Variants in SMYD3 observed in about 807,000 individuals in gnomAD.
SMYD3 encodes the protein SET and MYND domain containing 3, also known as histone-lysine N-methyltransferase SMYD3.
Under a neutral mutation model 57.7 loss-of-function variants are expected in SMYD3, and 36 were observed. The ratio of observed to expected loss-of-function variants is 0.62; its 90% confidence interval spans 0.48 to 0.82. The LOEUF (loss-of-function observed/expected upper bound fraction) is 0.82. Among genes scored for constraint, SMYD3 ranks in the 40% least tolerant of loss-of-function variants. SMYD3 has a pLI of 0.00. For missense variants in SMYD3, 515 were observed against 538.8 expected (o/e 0.96, Z 0.44); for synonymous variants, 211 against 195.0 (o/e 1.08, Z -0.68).
rs1420968445 is a variant in SMYD3, at chr1:246,439,904, C to T, written c.164+67150G>A. On this transcript the variant is annotated intron_variant, in intron 1 of 11. Transcript: ENST00000490107. ...GGTCAAGGCTGCAGTGAGCCATGAT[C>T]GCACCACTGCACTCCAGCCTGGGTA... Among the ~76,000 whole-genome samples, 5 of 152,076 alleles carry T rather than the reference C, an allele frequency of 3.3e-5. No homozygotes were observed. In the South Asian group the frequency reaches 6.2e-4, roughly 19 times the overall value.
At chr1:245,794,038 T>A (rs183690117) in intron 10 of SMYD3, among the ~76,000 whole-genome samples, 1 of 152,362 alleles carries the variant, frequency 6.6e-6, no homozygotes, top group East Asian at 1.9e-4. Flanking sequence ...TTAAATTTCA[T>A]CTTAATCATT....
intron 5 of SMYD3, among the ~76,000 whole-genome samples, chr1:246,245,496 C>G (rs2063688000): frequency 6.6e-6 from 1 of 152,022 alleles, no homozygotes; most frequent in African/African-American, 2.4e-5. Context: ...ATTTTTGAAA[C>G]ATGTAGATCC....
chr1:246,293,567 C>G (rs1484164273), intron 5 of SMYD3, among the ~76,000 whole-genome samples: 2 of 152,148 alleles, frequency 1.3e-5, no homozygotes, highest in Non-Finnish European at 2.9e-5. Context: ...AGTGAGACTA[C>G]TCCAAGAAAA....
At chr1:245,953,192 T>C (rs1401172949) in intron 5 of SMYD3, 4 of 971,638 alleles carry the variant, frequency 4.1e-6, no homozygotes, top group Non-Finnish European at 5.0e-6. Flanking sequence ...ATAATATATA[T>C]TATCAGTATA....
chr1:245,774,984 G>A (rs372130385), intron 10 of SMYD3, among the ~76,000 whole-genome samples: 15 of 152,210 alleles, frequency 9.9e-5, no homozygotes, highest in African/African-American at 3.4e-4. Flanking sequence ...GATTGCAGAC[G>A]GAGTCTCGTT....
chr1:245,925,312 C>T (rs576093006), intron 7 of SMYD3, among the ~76,000 whole-genome samples: 5 of 152,268 alleles, frequency 3.3e-5, no homozygotes, highest in Admixed American at 2.0e-4. Flanking sequence ...AGGTTATCCA[C>T]GACCTCATGT....
At chr1:246,243,241 T>A (rs978745051) in intron 5 of SMYD3, among the ~76,000 whole-genome samples, 3 of 152,016 alleles carry the variant, frequency 2.0e-5, no homozygotes, top group Non-Finnish European at 4.4e-5. Context: ...AATTAAATGC[T>A]GCATATGAGA....
intron 5 of SMYD3, among the ~76,000 whole-genome samples, chr1:246,207,380 A>C (rs1038808378): frequency 1.3e-5 from 2 of 152,066 alleles, no homozygotes; most frequent in African/African-American, 4.8e-5. Flanking sequence ...GGCCCATGTT[A>C]GTAGGTTAAT....
chr1:245,764,442 T>C (rs2045984501), intron 10 of SMYD3, among the ~76,000 whole-genome samples: 1 of 151,512 alleles, frequency 6.6e-6, no homozygotes, highest in Admixed American at 6.6e-5. Context: ...GCGTTGATAT[T>C]TGGGAGGGGT....
chr1:246,294,353 A>AC lies in SMYD3; in HGVS notation c.531+32847dup, dbSNP rs558291699. On this transcript the variant is annotated intron_variant, in intron 5 of 11. Coordinates refer to ENST00000490107, the MANE Select transcript of SMYD3 (RefSeq NM_001167740.2). ...AGCTTTAGCAAATTCTAATTTCTTG[A>AC]CCAGATTAAATCTATCTACAAATGG... Among the ~76,000 whole-genome samples the AC allele has an allele frequency of 2.6e-4, 39 of 152,340 alleles. 1 individual carries two copies. The South Asian group carries it at 7.9e-3, about 31-fold the overall frequency.
In SMYD3 at chr1:246,067,422, A is replaced by G. The variant is rs1234218693; in HGVS notation, c.532-137485T>C. On this transcript the variant is annotated intron_variant, in intron 5 of 11. Transcript: ENST00000490107. ...ACCCCTATCTTCTGGACCAAAAAAT[A>G]AAAAGTCTAGTCAGGAAGTGGGGAG... is the stretch of plus-strand genomic sequence containing the variant. Among the ~76,000 whole-genome samples, 4 of 152,188 alleles carry G rather than the reference A, an allele frequency of 2.6e-5. No individual in the cohort carries two copies. In the East Asian group the frequency reaches 5.8e-4, roughly 22 times the overall value.
At chr1:246,480,420 A>G (rs1444480565) in intron 1 of SMYD3, among the ~76,000 whole-genome samples, 1 of 152,254 alleles carries the variant, frequency 6.6e-6, no homozygotes, top group Non-Finnish European at 1.5e-5. Flanking sequence ...CATACAAAGA[A>G]GTAAAGCATA....
At chr1:245,782,817 T>C (rs77195943) in intron 10 of SMYD3, among the ~76,000 whole-genome samples, 3,914 of 152,354 alleles carry the variant, frequency 0.026, 163 homozygotes, top group African/African-American at 0.089. Flanking sequence ...AGAAAGAGAC[T>C]ACCTAATGCC....
chr1:246,001,883 T>C (rs1464554349), intron 5 of SMYD3, among the ~76,000 whole-genome samples: 1 of 152,136 alleles, frequency 6.6e-6, no homozygotes, highest in Non-Finnish European at 1.5e-5. Context: ...ATCCTCTGGA[T>C]CTCTTTCCTT....
At chr1:246,201,551 A>C (rs183557513) in intron 5 of SMYD3, among the ~76,000 whole-genome samples, 79 of 152,322 alleles carry the variant, frequency 5.2e-4, no homozygotes, top group African/African-American at 1.8e-3. Flanking sequence ...TTGGGAAAGG[A>C]GGAAGTATCA....
Position 246,203,734 on chromosome 1 carries a change from C to T in SMYD3, c.531+123467G>A, listed in dbSNP as rs902717187. Among the ~76,000 whole-genome samples, 1 of 152,156 alleles carries T rather than the reference C, an allele frequency of 6.6e-6. No homozygotes were observed. The highest frequency in any genetic ancestry group is 2.4e-5 in the African/African-American group (1 of 41,430). On this transcript the variant is annotated intron_variant, in intron 5 of 11. Coordinates refer to ENST00000490107, the MANE Select transcript of SMYD3 (RefSeq NM_001167740.2). This position sits in a 1 kb window ranked among gnomAD's most constrained non-coding sequence, Gnocchi z 4.6. ...GTTAGAACATCAACATATGAATTTG[C>T]GGGGACACAGTTCAGCCCAGAACAC...
chr1:246,175,826 A>C (rs918838406), intron 5 of SMYD3, among the ~76,000 whole-genome samples: 1 of 152,252 alleles, frequency 6.6e-6, no homozygotes, highest in East Asian at 1.9e-4. Flanking sequence ...TTTCAAATAC[A>C]TTGTAAATGA....
At chr1:246,422,152 C>T (rs1272631411) in intron 1 of SMYD3, among the ~76,000 whole-genome samples, 2 of 152,086 alleles carry the variant, frequency 1.3e-5, no homozygotes, top group Non-Finnish European at 2.9e-5. Flanking sequence ...AGCCACAGAT[C>T]AAAGAATACT....
intron 10 of SMYD3, among the ~76,000 whole-genome samples, chr1:245,800,155 A>G (rs539354823): frequency 6.6e-6 from 1 of 151,896 alleles, no homozygotes; most frequent in East Asian, 1.9e-4. Context: ...TGAGTGTGGT[A>G]TTTTCCCTCC....
Sources: gnomAD v4.1 joint callset for allele counts (sites outside exome capture counted in the v4.1 genomes callset) on GRCh38, gnomAD v4.1.1 for gene constraint, Gnocchi (gnomAD v3.1) non-coding constraint, MANE v1.5 for transcripts, NCBI Gene and HGNC (gene_info 2026-07-23, HGNC 2026-07-21) for gene names.